GRHL2: variants seen among roughly 807,000 people sequenced by gnomAD.
The protein encoded by GRHL2 is grainyhead-like protein 2 homolog.
Under a neutral mutation model 83.8 loss-of-function variants are expected in GRHL2, and 21 were observed. The observed-to-expected ratio is 0.25, with a 90% CI of 0.18 to 0.36. GRHL2 has a LOEUF of 0.36. Ranked by LOEUF, GRHL2 falls within the 10% of genes least tolerant of loss-of-function variation. The probability of loss-of-function intolerance (pLI) is 1.00; values close to 1 mark genes in which losing one functional copy is unlikely to be tolerated. For synonymous variants in GRHL2, 280 were observed against 278.9 expected (o/e 1.00, Z -0.04); for missense variants, 623 against 781.8 (o/e 0.80, Z 2.42).
At chr8:101,496,165 A>T (rs34846015) in intron 1 of GRHL2, among the ~76,000 whole-genome samples, 14,852 of 150,396 alleles carry the variant, frequency 0.099, 760 homozygotes, top group East Asian at 0.11. Flanking sequence ...AAAAAAAAAA[A>T]TACAGGTCAT....
At chr8:101,532,988 G>C (rs1436375115) in intron 1 of GRHL2, among the ~76,000 whole-genome samples, 2 of 152,104 alleles carry the variant, frequency 1.3e-5, no homozygotes, top group Non-Finnish European at 2.9e-5. Flanking sequence ...GTCAGTTTTG[G>C]GAATGATGGA....
intron 9 of GRHL2, among the ~76,000 whole-genome samples, chr8:101,628,754 T>C (rs2130391181): frequency 6.6e-6 from 1 of 152,184 alleles, no homozygotes; most frequent in East Asian, 1.9e-4. Flanking sequence ...TTGGAAGAAG[T>C]TGATTCCAGC....
At chr8:101,542,597 C>T (rs1811177395) in intron 1 of GRHL2, among the ~76,000 whole-genome samples, 4 of 151,862 alleles carry the variant, frequency 2.6e-5, no homozygotes, top group Admixed American at 2.0e-4. Flanking sequence ...TACTTGGCCC[C>T]TAGAATGACT....
intron 1 of GRHL2, among the ~76,000 whole-genome samples, chr8:101,499,706 C>CT (rs1253958008): frequency 6.6e-6 from 1 of 152,178 alleles, no homozygotes; most frequent in Non-Finnish European, 1.5e-5. Flanking sequence ...AGTTCTCACT[C>CT]ATGATCCCTG....
chr8:101,520,514 T>A (rs915904829), intron 1 of GRHL2, among the ~76,000 whole-genome samples: 1 of 152,112 alleles, frequency 6.6e-6, no homozygotes, highest in Non-Finnish European at 1.5e-5. Context: ...TCCTACAACC[T>A]CTTTTCTGTT....
In GRHL2 at chr8:101,562,455, G is replaced by A. The variant is rs754667576; in HGVS notation, c.678+3643G>A. ...GTCATGCCGTGGCCAGGGTAGATGG[G>A]CCCTGAACAAATATAACACTTCTCA... On this transcript the variant is annotated intron_variant, in intron 4 of 15. Coordinates refer to ENST00000646743, the MANE Select transcript of GRHL2 (RefSeq NM_024915.4). 3.0e-4 allele frequency: 122 copies of A among 412,676 alleles called. 1 individual carries two copies. Among genetic ancestry groups the A allele is most frequent in the Non-Finnish European group, 4.7e-4 (107 of 227,736 alleles). The allele number at this position is 412,676 out of a possible 1,614,324, so 25.6% of individuals were successfully genotyped here. A position where few individuals can be genotyped will look rare whatever the true frequency, so the allele number is the denominator to read the frequency against.
At chr8:101,551,899 G>C (rs1299099318) in intron 2 of GRHL2, among the ~76,000 whole-genome samples, 2 of 150,630 alleles carry the variant, frequency 1.3e-5, no homozygotes, top group Admixed American at 1.3e-4. Flanking sequence ...GCAGTGGCGC[G>C]ATCTCGGCTC....
chr8:101,670,543 G>C (rs1247250315), downstream of GRHL2, among the ~76,000 whole-genome samples: 1 of 152,164 alleles, frequency 6.6e-6, no homozygotes, highest in Non-Finnish European at 1.5e-5. Context: ...AGAGATCCTG[G>C]GATTAGAAAT....
At chr8:101,676,533 A>G in the GRHL2 span, among the ~76,000 whole-genome samples, 1 of 152,200 alleles carries the variant, frequency 6.6e-6, no homozygotes, top group African/African-American at 2.4e-5. Flanking sequence ...ACCAGTTAGA[A>G]TGGCGATCAT....
intron 3 of GRHL2, among the ~76,000 whole-genome samples, chr8:101,553,018 A>G (rs566660110): frequency 1.3e-5 from 2 of 152,292 alleles, no homozygotes; most frequent in South Asian, 4.1e-4. Flanking sequence ...GATTCCAAGG[A>G]GGCTTAAAAT....
chr8:101,564,603 C>A (rs1811675918), intron 4 of GRHL2, among the ~76,000 whole-genome samples: 1 of 151,608 alleles, frequency 6.6e-6, no homozygotes, highest in Admixed American at 6.6e-5. Flanking sequence ...CCCATGAGTT[C>A]AAGACTAGCC....
At chr8:101,641,571 A>T (rs1013214651) in intron 12 of GRHL2, among the ~76,000 whole-genome samples, 1 of 152,124 alleles carries the variant, frequency 6.6e-6, no homozygotes, top group Non-Finnish European at 1.5e-5. Flanking sequence ...TGTTTTTCCA[A>T]TGAAACTTAG....
At chr8:101,564,718 G>A (rs1306688509) in intron 4 of GRHL2, among the ~76,000 whole-genome samples, 12 of 151,210 alleles carry the variant, frequency 7.9e-5, no homozygotes, top group Non-Finnish European at 1.2e-4. Flanking sequence ...AGGCTGAGGC[G>A]GGAGGATTGC....
intron 14 of GRHL2, among the ~76,000 whole-genome samples, chr8:101,661,523 C>G (rs1218741452): frequency 6.6e-6 from 1 of 152,206 alleles, no homozygotes; most frequent in African/African-American, 2.4e-5. Context: ...CTCTAGATTA[C>G]TTATAATACG....
At chr8:101,639,480 G>A (rs1211204978) in intron 12 of GRHL2, among the ~76,000 whole-genome samples, 1 of 152,196 alleles carries the variant, frequency 6.6e-6, no homozygotes, top group African/African-American at 2.4e-5. Context: ...GAGATTAGGA[G>A]ACTTGTTCAA....
intron 7 of GRHL2, among the ~76,000 whole-genome samples, chr8:101,595,927 T>A (rs998542871): frequency 6.6e-6 from 1 of 152,058 alleles, no homozygotes. Context: ...GAGACCATCC[T>A]GGCTAACACA....
intron 1 of GRHL2, 166 bp downstream of exon 1, chr8:101,492,955 A>G (rs532049550): frequency 2.7e-4 from 190 of 700,304 alleles, no homozygotes; most frequent in Admixed American, 8.8e-4. Context: ...TTCTACCCTG[A>G]TTAAGGGGAG....
rs200016612 is a variant in GRHL2 at position 101,631,700 on chromosome 8, G to C, written c.1321G>C (p.Ala441Pro). Reference protein sequence around the residue: ...KQNRKKGKGQASQTQCNSSSD... With the variant: ...KQNRKKGKGQPSQTQCNSSSD... ...GAACAGGAAGAAAGGGAAAGGCCAG[G>C]CCTCCCAAACTCAATGCAACAGCTG... Residue 441 changes from alanine (A) to proline (P), a missense_variant, in exon 10 of 16, where the codon GCC (alanine) becomes CCC (proline). Transcript: ENST00000646743. 1.1e-4 allele frequency: 178 copies of C among 1,613,574 alleles called. No individual in the cohort carries two copies. The highest frequency in any genetic ancestry group is 9.2e-5 in the Non-Finnish European group (108 of 1,179,712).
intron 12 of GRHL2, among the ~76,000 whole-genome samples, chr8:101,637,216 C>A (rs1813306132): frequency 1.3e-5 from 2 of 152,206 alleles, no homozygotes; most frequent in South Asian, 4.1e-4. Context: ...TCCATTCCAT[C>A]CTTTCATCAA....
Sources: gnomAD v4.1 joint callset for allele counts (sites outside exome capture counted in the v4.1 genomes callset) on GRCh38, gnomAD v4.1.1 for gene constraint, MANE v1.5 for transcripts, NCBI Gene and HGNC (gene_info 2026-07-23, HGNC 2026-07-21) for gene names.